The following GALNTL6 variants were observed in gnomAD, a reference collection of about 807,000 sequenced individuals.
The protein encoded by GALNTL6 is polypeptide N-acetylgalactosaminyltransferase-like 6.
In GALNTL6, 46 loss-of-function variants were observed where a neutral mutation model predicts 73.7. The observed-to-expected ratio is 0.62, with a 90% confidence interval of 0.49 to 0.80. The LOEUF (loss-of-function observed/expected upper bound fraction) is 0.80, where lower values mean the gene tolerates loss of function less well. Ranked by LOEUF, GALNTL6 falls within the 30% of genes least tolerant of loss-of-function variation. The probability of loss-of-function intolerance (pLI) is 0.00; values close to 1 mark genes in which losing one functional copy is unlikely to be tolerated. For synonymous variants in GALNTL6, 259 were observed against 263.7 expected, an observed-to-expected ratio of 0.98 and a Z score of 0.17; for missense variants, 604 against 755.0, an observed-to-expected ratio of 0.80 and a Z score of 2.34.
intron 5 of GALNTL6, among the ~76,000 whole-genome samples, chr4:172,405,184 G>A (rs1023301810): frequency 5.3e-5 from 8 of 151,818 alleles, no homozygotes; most frequent in Admixed American, 2.0e-4. Context: ...CCTGGAAACC[G>A]AATTTAACAA....
intron 5 of GALNTL6, among the ~76,000 whole-genome samples, chr4:172,426,568 G>T (rs147646178): frequency 6.0e-4 from 92 of 152,224 alleles, no homozygotes; most frequent in African/African-American, 2.0e-3. Context: ...GCAGGACACA[G>T]ATGCATCTAA....
intron 2 of GALNTL6, among the ~76,000 whole-genome samples, chr4:172,181,115 T>G (rs1735227920): frequency 6.6e-6 from 1 of 152,144 alleles, no homozygotes; most frequent in Non-Finnish European, 1.5e-5. Context: ...CTAAATCATT[T>G]TATGAGGCCA....
chr4:172,305,104 A>C (rs1485858513), intron 3 of GALNTL6, among the ~76,000 whole-genome samples: 5 of 152,138 alleles, frequency 3.3e-5, no homozygotes, highest in African/African-American at 7.2e-5. Flanking sequence ...CCATATTTTC[A>C]GTTTCCCTAC....
intron 5 of GALNTL6, among the ~76,000 whole-genome samples, chr4:172,532,819 G>A (rs1311560081): frequency 6.6e-6 from 1 of 152,080 alleles, no homozygotes; most frequent in Non-Finnish European, 1.5e-5. Flanking sequence ...AAGTGGCAGA[G>A]TGGTTAATTG....
In GALNTL6 at chr4:173,009,287, A is replaced by G; in HGVS notation, c.1481A>G (p.His494Arg). The G allele has an allele frequency of 1.9e-6, 3 of 1,596,838 alleles. No homozygotes were observed. Among genetic ancestry groups the G allele is most frequent in the Admixed American group, 1.7e-5 (1 of 59,996 alleles). ...VKDGSERTWS[H>R]EQLFTFGWRE... is the part of the protein sequence containing the mutation. Reference sequence around the variant, plus strand: ...GATGGTTCTGAAAGAACATGGTCTCATGAACAGGTGAGTCACCTCCCAGAA... The same window carrying G: ...GATGGTTCTGAAAGAACATGGTCTCGTGAACAGGTGAGTCACCTCCCAGAA... The change falls in exon 11 of 13, where the codon CAT becomes CGT. Residue 494 changes from histidine (H) to arginine (R), a missense_variant. By Grantham distance (29) the His-to-Arg change is conservative. Coordinates refer to ENST00000506823, the MANE Select transcript of GALNTL6 (RefSeq NM_001034845.3).
At chr4:172,496,551 C>A (rs1195581034) in intron 5 of GALNTL6, among the ~76,000 whole-genome samples, 2 of 151,940 alleles carry the variant, frequency 1.3e-5, no homozygotes, top group Non-Finnish European at 2.9e-5. Flanking sequence ...AAAAATTAGG[C>A]AAACACCTGT....
chr4:171,820,028 AATG>A (rs1734641191), intron 2 of GALNTL6, among the ~76,000 whole-genome samples: 1 of 152,166 alleles, frequency 6.6e-6, no homozygotes, highest in Non-Finnish European at 1.5e-5. Context: ...CTGTACAGCT[AATG>A]ATTTCTAAAT....
intron 8 of GALNTL6, among the ~76,000 whole-genome samples, chr4:172,911,733 G>T (rs1052391132): frequency 6.6e-5 from 10 of 152,182 alleles, no homozygotes; most frequent in Admixed American, 2.6e-4. Flanking sequence ...GATACCTCAG[G>T]TGTATCAGAG....
At chr4:172,312,725 G>C (rs575593775) in intron 4 of GALNTL6, among the ~76,000 whole-genome samples, 1 of 152,104 alleles carries the variant, frequency 6.6e-6, no homozygotes, top group East Asian at 1.9e-4. Flanking sequence ...TGACCCTTTA[G>C]AAAAAAATAT....
chr4:172,836,691 G>A (rs1742927371), intron 7 of GALNTL6, among the ~76,000 whole-genome samples: 1 of 152,228 alleles, frequency 6.6e-6, no homozygotes, highest in African/African-American at 2.4e-5. Context: ...ATATTTAGAA[G>A]AACACAGGTT....
At chr4:172,542,172 T>G (rs1165162439) in intron 5 of GALNTL6, among the ~76,000 whole-genome samples, 2 of 151,764 alleles carry the variant, frequency 1.3e-5, no homozygotes, top group Non-Finnish European at 2.9e-5. Flanking sequence ...TGCCAAATTT[T>G]ATAGTCAGGT....
intron 9 of GALNTL6, among the ~76,000 whole-genome samples, chr4:172,949,776 G>C (rs1337208805): frequency 6.6e-6 from 1 of 151,932 alleles, no homozygotes; most frequent in African/African-American, 2.4e-5. Context: ...AGGCATGGTA[G>C]CACGTGCCTG....
chr4:172,616,391 T>C (rs1738732316), intron 5 of GALNTL6, among the ~76,000 whole-genome samples: 1 of 152,160 alleles, frequency 6.6e-6, no homozygotes, highest in Non-Finnish European at 1.5e-5. Flanking sequence ...AGGGAGACAT[T>C]TCTATAACAT....
At chr4:172,125,710 A>G (rs1001071076) in intron 2 of GALNTL6, among the ~76,000 whole-genome samples, 4 of 152,164 alleles carry the variant, frequency 2.6e-5, no homozygotes, top group Non-Finnish European at 4.4e-5. Flanking sequence ...ACAAAAATTT[A>G]CCACATAAGA....
At chr4:172,921,793 C>CAA (rs370693087) in intron 8 of GALNTL6, among the ~76,000 whole-genome samples, 7 of 58,550 alleles carry the variant, frequency 1.2e-4, no homozygotes, top group Non-Finnish European at 1.8e-4. Flanking sequence ...GACCTTGTCT[C>CAA]AAAAAAAAAA....
At chr4:172,155,702 T>C (rs1262010600) in intron 2 of GALNTL6, among the ~76,000 whole-genome samples, 11 of 152,224 alleles carry the variant, frequency 7.2e-5, no homozygotes. Context: ...CATCTTTACC[T>C]ATTATGTAAT....
intron 5 of GALNTL6, among the ~76,000 whole-genome samples, chr4:172,609,722 G>A (rs1181275313): frequency 6.7e-6 from 1 of 150,106 alleles, no homozygotes; most frequent in Non-Finnish European, 1.5e-5. Context: ...AGTTAAGGAG[G>A]TGTTCCTCCT....
At chr4:171,897,050 T>A (rs1304126116) in intron 2 of GALNTL6, among the ~76,000 whole-genome samples, 1 of 151,478 alleles carries the variant, frequency 6.6e-6, no homozygotes, top group African/African-American at 2.4e-5. Context: ...AAAATCACAA[T>A]GAAAATGTAC....
intron 12 of GALNTL6, among the ~76,000 whole-genome samples, chr4:173,022,110 A>AAAGAAG (rs1561091790): frequency 2.2e-4 from 19 of 86,254 alleles, no homozygotes; most frequent in Non-Finnish European, 2.8e-4. Context: ...AAGGAAGGAA[A>AAAGAAG]GAAGGAAGGA....
Sources: gnomAD v4.1 joint callset for allele counts (sites outside exome capture counted in the v4.1 genomes callset) on GRCh38, gnomAD v4.1.1 for gene constraint, MANE v1.5 for transcripts, NCBI Gene and HGNC (gene_info 2026-07-23, HGNC 2026-07-21) for gene names.